DSC3: variants seen among roughly 807,000 people sequenced by gnomAD.
The protein encoded by DSC3 is desmocollin 3, also known as desmocollin-3.
In DSC3, 97 loss-of-function variants were observed where a neutral mutation model predicts 89.5. That is an observed-to-expected ratio of 1.08 (90% CI 0.92 to 1.28). The LOEUF is 1.28. Among genes scored for constraint, DSC3 ranks in the 50% most tolerant of loss-of-function variants. The probability of loss-of-function intolerance (pLI) is 0.00; values close to 1 mark genes in which losing one functional copy is unlikely to be tolerated. For synonymous variants in DSC3, 436 were observed against 384.1 expected (o/e 1.14, Z -1.58); for missense variants, 1,199 against 1,085.3 (o/e 1.10, Z -1.47).
At position 31,008,158 on chromosome 18, in the gene DSC3, C is replaced by T. The variant is rs755558316; in HGVS notation, c.1521G>A (p.Arg507=). 1.2e-5 allele frequency: 19 copies of T among 1,607,664 alleles called. No homozygotes were observed. The highest frequency in any genetic ancestry group is 1.4e-5 in the Non-Finnish European group (16 of 1,176,614). ...DPENRNGNGL[R]YKKLHDPKGW... is the part of the protein sequence containing the mutation. ...CTTTAGGATCATGCAATTTTTTGTA[C>T]CTGTTAATAAAAAAAAAATAGTCTT... Residue 507 remains arginine, a splice_region_variant and synonymous_variant, in exon 11 of 16, where the codon AGG becomes AGA. Coordinates refer to ENST00000360428, the MANE Select transcript of DSC3 (RefSeq NM_001941.5).
chr18:31,001,689 G>A lies in DSC3; in HGVS notation c.2164C>T (p.Arg722Cys), dbSNP rs185197053. 7.6e-5 allele frequency: 122 copies of A among 1,610,690 alleles called. No individual in the cohort carries two copies. The African/African-American group carries it at 9.3e-4, about 12-fold the overall frequency. Residue 722 changes from arginine (R) to cysteine (C), a missense_variant, in exon 14 of 16, where the codon CGT becomes TGT. By Grantham distance (180) the Arg-to-Cys change is radical. Coordinates refer to ENST00000360428, the MANE Select transcript of DSC3 (RefSeq NM_001941.5). ...CGVFGATKGKRFPEDLAQQNL... is the reference protein window; with the variant it reads ...CGVFGATKGKCFPEDLAQQNL... ...TGCTGTGCTAAATCTTCAGGAAAACGTTTCCCTTTAGTTGCACCAAAAACT... is the reference window on the plus strand; with the variant it reads ...TGCTGTGCTAAATCTTCAGGAAAACATTTCCCTTTAGTTGCACCAAAAACT...
rs1984360205 is a variant in DSC3 at position 30,993,909 on chromosome 18, A to C, written c.*266T>G. 7.4e-5 allele frequency: 25 copies of C among 339,292 alleles called. No individual in the cohort carries two copies. In the South Asian group the frequency reaches 7.9e-4, roughly 11 times the overall value. The allele number at this position is 339,292 out of a possible 1,614,324, so 21.0% of individuals were successfully genotyped here. On this transcript the variant is annotated 3_prime_UTR_variant, in exon 16 of 16. Transcript: ENST00000360428. ...TATCCAGCATATTTATTACTAAAATATCCGTAAAAAAAAAAAAGAGCAGAT... is the reference window on the plus strand; with the variant it reads ...TATCCAGCATATTTATTACTAAAATCTCCGTAAAAAAAAAAAAGAGCAGAT...
intron 4 of DSC3, among the ~76,000 whole-genome samples, chr18:31,027,888 C>T (rs549873902): frequency 6.6e-6 from 1 of 152,200 alleles, no homozygotes; most frequent in African/African-American, 2.4e-5. Context: ...TTTTCTGCAG[C>T]TTAAACCTTA....
At chr18:31,024,328 T>C (rs1985521645) in intron 6 of DSC3, 21 bp downstream of exon 6, 13 of 1,553,334 alleles carry the variant, frequency 8.4e-6, no homozygotes, top group Non-Finnish European at 1.1e-5. Flanking sequence ...TGATTCTTTT[T>C]ATTCTTAAAA....
chr18:31,022,653 A>G, intron 6 of DSC3, 151 bp from the exon 7 acceptor site: 4 of 972,694 alleles, frequency 4.1e-6, no homozygotes, highest in Non-Finnish European at 4.6e-6. Context: ...TTTAGATAGG[A>G]CTGAAGAGGA....
rs79419157 is a variant in DSC3, at chr18:30,996,468, G to T, written c.2493+323C>A. ...GATTTCATTTGAAAAGTTTGTAATTGTGAGGAACTAGAATTACTTTCACGA... is the reference window on the plus strand; with the variant it reads ...GATTTCATTTGAAAAGTTTGTAATTTTGAGGAACTAGAATTACTTTCACGA... On this transcript the variant is annotated intron_variant, in intron 15 of 15. Coordinates refer to ENST00000360428, the MANE Select transcript of DSC3 (RefSeq NM_001941.5). 7.3e-3 allele frequency among the ~76,000 whole-genome samples: 1,112 copies of T among 152,158 alleles called. 13 individuals are homozygous for T. The highest frequency in any genetic ancestry group is 0.025 in the African/African-American group (1,056 of 41,510).
In DSC3 at chr18:31,025,871, T is replaced by A; in HGVS notation, c.519A>T (p.Ile173=). Residue 173 remains isoleucine (I), a synonymous_variant, in exon 5 of 16, where the codon ATA becomes ATT. Coordinates refer to ENST00000360428, the MANE Select transcript of DSC3 (RefSeq NM_001941.5). ...GTTCTTTATCAACTCCACGTCCACT[T>A]ATTGAGTAGAAGACAGTATAGTTCT... ...AAQNYTVFYS[I]SGRGVDKEPL... is the part of the protein sequence containing the mutation. 1.2e-6 allele frequency: 2 copies of A among 1,613,100 alleles called. No individual in the cohort carries two copies. Among genetic ancestry groups the A allele is most frequent in the Non-Finnish European group, 1.7e-6 (2 of 1,179,322 alleles).
At chr18:31,019,243 C>CCCACCA (rs59848260) in intron 7 of DSC3, among the ~76,000 whole-genome samples, 5,290 of 151,918 alleles carry the variant, frequency 0.035, 297 homozygotes, top group African/African-American at 0.12. Context: ...ATTACAGGTG[C>CCCACCA]CCATGCCCAG....
chr18:31,006,946 G>C lies in DSC3; in HGVS notation c.1849C>G (p.Pro617Ala). The C allele has an allele frequency of 6.2e-7, 1 of 1,613,794 alleles. No homozygotes were observed. The highest frequency in any genetic ancestry group is 8.5e-7 in the Non-Finnish European group (1 of 1,179,886). The change falls in exon 12 of 16, where the codon CCA becomes GCA. Residue 617 changes from proline (P) to alanine (A), a missense_variant. Coordinates refer to ENST00000360428, the MANE Select transcript of DSC3 (RefSeq NM_001941.5). ...AGGCTCCACAGTCTACTGATTTCTG[G>C]AGAAGTATTGGGCAAACTGAAATAA... ...PFYFSLPNTSPEISRLWSLTK... is the reference protein window; with the variant it reads ...PFYFSLPNTSAEISRLWSLTK...
At chr18:31,036,866 C>T (rs998656890) in intron 1 of DSC3, among the ~76,000 whole-genome samples, 1 of 137,362 alleles carries the variant, frequency 7.3e-6, no homozygotes, top group African/African-American at 2.7e-5. Flanking sequence ...GATCTCAGCT[C>T]ACTGAAACAT....
chr18:30,994,639 G>A, intron 15 of DSC3: 1 of 571,440 alleles, frequency 1.7e-6, no homozygotes. Flanking sequence ...GTCATTAAAT[G>A]CTTATCCCTA....
chr18:31,011,405 A>T (rs1985050983), intron 9 of DSC3, among the ~76,000 whole-genome samples: 1 of 152,234 alleles, frequency 6.6e-6, no homozygotes, highest in African/African-American at 2.4e-5. Flanking sequence ...AGCTAAAAGT[A>T]TACCAGAGCA....
chr18:30,995,466 A>G lies in DSC3; in HGVS notation c.2494-1094T>C, dbSNP rs555941160. ...CATTCCATTCAAGGATTAAAGGTCT[A>G]CTGTTTGTCCTGCAATGGCACTGGT... On this transcript the variant is annotated intron_variant, in intron 15 of 15. Transcript: ENST00000360428. Among the ~76,000 whole-genome samples, 10 of 152,344 alleles carry G rather than the reference A, an allele frequency of 6.6e-5. No individual in the cohort carries two copies. In the South Asian group the frequency reaches 2.1e-3, roughly 32 times the overall value.
At chr18:31,013,172 G>T (rs138175607) in intron 9 of DSC3, among the ~76,000 whole-genome samples, 1 of 151,772 alleles carries the variant, frequency 6.6e-6, no homozygotes, top group Admixed American at 6.6e-5. Context: ...ATAAATTAAC[G>T]GTACAAAAGA....
intron 9 of DSC3, among the ~76,000 whole-genome samples, chr18:31,015,128 T>C (rs182876020): frequency 1.9e-4 from 29 of 152,286 alleles, no homozygotes; most frequent in African/African-American, 6.7e-4. Flanking sequence ...GGATGTAATA[T>C]CAAATATAAG....
intron 1 of DSC3, among the ~76,000 whole-genome samples, chr18:31,034,455 C>A (rs1229082401): frequency 6.6e-6 from 1 of 152,138 alleles, no homozygotes; most frequent in Admixed American, 6.6e-5. Context: ...GGTGCAGATA[C>A]TTTGGAAAAC....
rs796882134 is a variant in DSC3, at chr18:31,022,238, A to C, written c.942+98T>G. The C allele has an allele frequency of 1.7e-5, 24 of 1,425,328 alleles. No individual in the cohort carries two copies. The African/African-American group carries it at 3.3e-4, about 20-fold the overall frequency. The allele number at this position is 1,425,328 out of a possible 1,614,324, so 88.3% of individuals were successfully genotyped here. On this transcript the variant is annotated intron_variant, in intron 7 of 15. Transcript: ENST00000360428. ...TTCTTATTGTCTTATGCCTAAAATA[A>C]AATTAAACTATTAATCCACAGGATA...
chr18:31,001,339 G>C (rs1258447513), intron 14 of DSC3, among the ~76,000 whole-genome samples: 3 of 150,676 alleles, frequency 2.0e-5, no homozygotes, highest in African/African-American at 7.3e-5. Flanking sequence ...GTAGAGTGCA[G>C]GCAAAAAAAA....
intron 5 of DSC3, 120 bp downstream of exon 5, chr18:31,025,640 T>C: frequency 9.2e-7 from 1 of 1,092,098 alleles, no homozygotes; most frequent in Non-Finnish European, 1.4e-6. Flanking sequence ...CTATTTCCCA[T>C]TGACTCTAAG....
Sources: gnomAD v4.1 joint callset for allele counts (sites outside exome capture counted in the v4.1 genomes callset) on GRCh38, gnomAD v4.1.1 for gene constraint, MANE v1.5 for transcripts, NCBI Gene and HGNC (gene_info 2026-07-23, HGNC 2026-07-21) for gene names.